Variants in DLG2 observed in about 807,000 individuals in gnomAD.
The protein encoded by DLG2 is disks large homolog 2.
Under a neutral mutation model 132.5 loss-of-function variants are expected in DLG2, and 45 were observed. The ratio of observed to expected loss-of-function variants is 0.34; its 90% CI spans 0.27 to 0.44. The LOEUF (loss-of-function observed/expected upper bound fraction) is 0.44. DLG2 is among the 20% of genes least tolerant of loss of function. The pLI is 1.00. For missense variants in DLG2, 1,045 were observed against 1,196.9 expected, an observed-to-expected ratio of 0.87 and a Z score of 1.87; for synonymous variants, 424 against 419.6, an observed-to-expected ratio of 1.01 and a Z score of -0.13.
intron 15 of DLG2, among the ~76,000 whole-genome samples, chr11:83,912,026 A>G (rs2076155322): frequency 6.6e-6 from 1 of 152,128 alleles, no homozygotes; most frequent in Admixed American, 6.6e-5. Flanking sequence ...AAAACACAAG[A>G]GCAAAAATGG....
rs371659455 is a variant in DLG2 at position 85,096,089 on chromosome 11, GTCAGCACTCTGTAAAATGGGACAA to G, written c.357+15548_357+15571del. ...ATCAGCACTCTGTAAAATGGAATAA[GTCAGCACTCTGTAAAATGGGACAA>G]TCAGCACTCTGTAAAATGGACGAAT... On this transcript the variant is annotated intron_variant, in intron 6 of 27. Transcript: ENST00000376104. 1.5e-3 allele frequency among the ~76,000 whole-genome samples: 229 copies of G among 152,226 alleles called. 1 individual carries two copies. Among genetic ancestry groups the G allele is most frequent in the African/African-American group, 5.1e-3 (213 of 41,536 alleles).
chr11:85,127,270 C>A (rs1315676014), intron 5 of DLG2, among the ~76,000 whole-genome samples: 1 of 115,710 alleles, frequency 8.6e-6, no homozygotes, highest in East Asian at 3.1e-4. Context: ...CTTTCTATCT[C>A]TCTCTCTCTC....
chr11:84,600,221 A>C (rs1391519478), intron 6 of DLG2, among the ~76,000 whole-genome samples: 1 of 133,776 alleles, frequency 7.5e-6, no homozygotes, highest in African/African-American at 3.4e-5. Context: ...AGAAAGAAAG[A>C]AAGAGAAAGA....
chr11:83,524,455 G>A (rs540391422), intron 21 of DLG2, among the ~76,000 whole-genome samples: 2 of 151,938 alleles, frequency 1.3e-5, no homozygotes, highest in Non-Finnish European at 2.9e-5. Context: ...AAAATTTTCT[G>A]GTTTCTTCTC....
At chr11:83,979,984 T>C (rs35337045) in intron 12 of DLG2, among the ~76,000 whole-genome samples, 4,720 of 152,296 alleles carry the variant, frequency 0.031, 117 homozygotes, top group Non-Finnish European at 0.047. Context: ...AATAGATACA[T>C]TGTACATGTA....
chr11:83,552,546 A>G (rs1411866612), intron 19 of DLG2, among the ~76,000 whole-genome samples: 1 of 152,194 alleles, frequency 6.6e-6, no homozygotes, highest in African/African-American at 2.4e-5. Flanking sequence ...CAGATTTACT[A>G]GCAGAGGGGT....
chr11:83,544,999 C>T (rs1032879140), intron 19 of DLG2, among the ~76,000 whole-genome samples: 2 of 152,166 alleles, frequency 1.3e-5, no homozygotes, highest in Non-Finnish European at 2.9e-5. Context: ...TCCCTTACTG[C>T]TCAGTCCTTG....
chr11:83,887,834 A>C (rs1389263405), intron 15 of DLG2, among the ~76,000 whole-genome samples: 2 of 149,322 alleles, frequency 1.3e-5, no homozygotes. Flanking sequence ...TATAAACGGA[A>C]CCAAAGACAA....
intron 7 of DLG2, among the ~76,000 whole-genome samples, chr11:84,527,211 C>T (rs563636690): frequency 6.6e-5 from 10 of 152,120 alleles, no homozygotes; most frequent in Admixed American, 3.9e-4. Flanking sequence ...ACTCCTTGTG[C>T]CATAGGATCT....
chr11:83,742,855 A>T (rs560396732), intron 18 of DLG2, among the ~76,000 whole-genome samples: 6 of 152,198 alleles, frequency 3.9e-5, no homozygotes, highest in Admixed American at 3.9e-4. Context: ...AATTCATTCA[A>T]TTAAATTTAA....
At chr11:83,501,215 T>C (rs2094439045) in intron 21 of DLG2, among the ~76,000 whole-genome samples, 1 of 151,556 alleles carries the variant, frequency 6.6e-6, no homozygotes, top group Admixed American at 6.6e-5. Flanking sequence ...TTTTTTTTTT[T>C]TGGATATTTT....
chr11:84,243,043 T>C (rs1035940605), intron 8 of DLG2, among the ~76,000 whole-genome samples: 2 of 139,918 alleles, frequency 1.4e-5, no homozygotes, highest in African/African-American at 5.4e-5. Flanking sequence ...ATATATACAC[T>C]CTCACATATA....
At chr11:84,223,625 T>C (rs1360730259) in intron 8 of DLG2, among the ~76,000 whole-genome samples, 1 of 151,718 alleles carries the variant, frequency 6.6e-6, no homozygotes, top group Middle Eastern at 3.2e-3. Flanking sequence ...GGCACAATAT[T>C]GGCTCACTGC....
chr11:83,639,283 C>T (rs1566198500), intron 18 of DLG2, among the ~76,000 whole-genome samples: 1 of 152,168 alleles, frequency 6.6e-6, no homozygotes, highest in Non-Finnish European at 1.5e-5. Context: ...TAAGAGGAAG[C>T]CATAAACGGA....
At chr11:84,280,671 A>G (rs754260681) in intron 7 of DLG2, among the ~76,000 whole-genome samples, 27 of 150,154 alleles carry the variant, frequency 1.8e-4, no homozygotes, top group African/African-American at 6.4e-4. Flanking sequence ...CAGGGGTTGA[A>G]CCATACATCT....
rs553717671 is a variant in DLG2, at chr11:85,032,081, G to T, written c.357+79580C>A. ...GTCTCCCAAAGTGCTGGGATTATAG[G>T]CATGAACCACCATGCCTGACCACCA... On this transcript the variant is annotated intron_variant, in intron 6 of 27. Coordinates refer to ENST00000376104, the MANE Select transcript of DLG2 (RefSeq NM_001142699.3). 2.5e-4 allele frequency among the ~76,000 whole-genome samples: 38 copies of T among 150,556 alleles called. No individual in the cohort carries two copies. The South Asian group carries it at 6.7e-3, about 27-fold the overall frequency.
At chr11:83,878,330 T>C (rs983469744) in intron 15 of DLG2, among the ~76,000 whole-genome samples, 1 of 152,166 alleles carries the variant, frequency 6.6e-6, no homozygotes, top group Non-Finnish European at 1.5e-5. Context: ...TCCATCTATC[T>C]GTAAGGCCCC....
intron 7 of DLG2, among the ~76,000 whole-genome samples, chr11:84,481,554 C>T (rs1217431857): frequency 1.3e-5 from 2 of 152,006 alleles, no homozygotes; most frequent in Non-Finnish European, 2.9e-5. Context: ...ATATAATTAC[C>T]CAGTGGATGG....
rs563667944 is a variant in DLG2, at chr11:83,713,492, C to T, written c.1825+73198G>A. ...TTTAAATGTAGGGTTCATGTTCCTACGTGAGCAGCAGGAGGGAAGAATGAG... is the reference window on the plus strand; with the variant it reads ...TTTAAATGTAGGGTTCATGTTCCTATGTGAGCAGCAGGAGGGAAGAATGAG... On this transcript the variant is annotated intron_variant, in intron 18 of 27. Coordinates refer to ENST00000376104, the MANE Select transcript of DLG2 (RefSeq NM_001142699.3). 9.2e-5 allele frequency among the ~76,000 whole-genome samples: 14 copies of T among 152,102 alleles called. No individual in the cohort carries two copies. In the East Asian group the frequency reaches 9.7e-4, roughly 10 times the overall value.
Sources: allele counts gnomAD v4.1 joint callset (sites outside exome capture counted in the v4.1 genomes callset), GRCh38; gene constraint gnomAD v4.1.1; transcripts MANE v1.5; gene names NCBI Gene and HGNC (gene_info 2026-07-23, HGNC 2026-07-21).